The following AFAP1L2 variants were observed in gnomAD, a reference collection of about 807,000 sequenced individuals.
The protein encoded by AFAP1L2 is actin filament associated protein 1 like 2.
In AFAP1L2, 46 loss-of-function variants were observed where a neutral mutation model predicts 99.3. That is an observed-to-expected ratio of 0.46 (90% CI 0.37 to 0.59). AFAP1L2 has a LOEUF of 0.59. AFAP1L2 is among the 20% of genes least tolerant of loss of function. The probability of loss-of-function intolerance (pLI) is 0.00; values close to 1 mark genes in which losing one functional copy is unlikely to be tolerated. For synonymous variants in AFAP1L2, 397 were observed against 419.1 expected, an observed-to-expected ratio of 0.95 and a Z score of 0.64; for missense variants, 959 against 1,034.9, an observed-to-expected ratio of 0.93 and a Z score of 1.01.
intron 4 of AFAP1L2, among the ~76,000 whole-genome samples, chr10:114,327,649 T>C (rs576113603): frequency 1.3e-5 from 2 of 152,300 alleles, no homozygotes; most frequent in African/African-American, 4.8e-5. Context: ...ATCTCAGCTA[T>C]TCAACTCTAT....
At chr10:114,301,631 CTT>C (rs918288487) in intron 12 of AFAP1L2, 166 bp from the exon 13 acceptor site, 10 of 592,264 alleles carry the variant, frequency 1.7e-5, no homozygotes, top group African/African-American at 1.5e-4. Flanking sequence ...CCTCCTCCCT[CTT>C]TTCCCAGTGC....
chr10:114,369,775 AAATAT>A lies in AFAP1L2; in HGVS notation c.17-29049_17-29045del, dbSNP rs548813071. ...AAACTACTTAAAACAAGTACATTTA[AAATAT>A]AATATGTATACGTACTGCAATATGT... On this transcript the variant is annotated intron_variant, in intron 1 of 18. Coordinates refer to ENST00000304129, the MANE Select transcript of AFAP1L2 (RefSeq NM_001001936.3). 1.9e-3 allele frequency among the ~76,000 whole-genome samples: 283 copies of A among 152,234 alleles called. 2 individuals carry two copies. Among genetic ancestry groups the A allele is most frequent in the African/African-American group, 5.7e-3 (236 of 41,526 alleles).
chr10:114,402,458 C>CA (rs543211250), intron 1 of AFAP1L2, among the ~76,000 whole-genome samples: 1 of 152,148 alleles, frequency 6.6e-6, no homozygotes, highest in Non-Finnish European at 1.5e-5. Context: ...TCTCATGAGT[C>CA]AAACACTGGA....
intron 7 of AFAP1L2, among the ~76,000 whole-genome samples, chr10:114,312,421 G>A (rs969517145): frequency 6.6e-6 from 1 of 152,172 alleles, no homozygotes; most frequent in African/African-American, 2.4e-5. Flanking sequence ...TGTGTGTGTA[G>A]TGGGTGAGGC....
At chr10:114,370,123 A>C (rs995395680) in intron 1 of AFAP1L2, among the ~76,000 whole-genome samples, 1 of 152,206 alleles carries the variant, frequency 6.6e-6, no homozygotes, top group Non-Finnish European at 1.5e-5. Context: ...AAATACTCCA[A>C]ATACTGTTTA....
intron 18 of AFAP1L2, 130 bp downstream of exon 18, chr10:114,296,848 C>T: frequency 6.7e-7 from 1 of 1,501,204 alleles, no homozygotes; most frequent in South Asian, 1.2e-5. Flanking sequence ...ATGGCCACTC[C>T]TTGGTGAGTG....
At chr10:114,306,328 C>T (rs868385976) in intron 10 of AFAP1L2, among the ~76,000 whole-genome samples, 18 of 42,730 alleles carry the variant, frequency 4.2e-4, no homozygotes, top group African/African-American at 1.5e-3. Flanking sequence ...GGAGGGGACG[C>T]GGGGGCAGGA....
intron 5 of AFAP1L2, among the ~76,000 whole-genome samples, chr10:114,322,095 C>A (rs766615417): frequency 6.6e-6 from 1 of 152,194 alleles, no homozygotes; most frequent in Non-Finnish European, 1.5e-5. Flanking sequence ...TCCCTGTACA[C>A]GCTCTCTCTT....
At chr10:114,284,882 C>G in the AFAP1L2 span, 1 of 1,609,758 alleles carries the variant, frequency 6.2e-7, no homozygotes, top group East Asian at 2.2e-5. Flanking sequence ...ACTCGCAGCC[C>G]TGCCAGAATG....
At chr10:114,397,958 G>A (rs1425852610) in intron 1 of AFAP1L2, among the ~76,000 whole-genome samples, 1 of 152,084 alleles carries the variant, frequency 6.6e-6, no homozygotes, top group East Asian at 1.9e-4. Flanking sequence ...ACTGGCATGG[G>A]TGCCTCTCCC....
intron 1 of AFAP1L2, among the ~76,000 whole-genome samples, chr10:114,376,658 A>T (rs2054840783): frequency 6.6e-6 from 1 of 152,238 alleles, no homozygotes; most frequent in African/African-American, 2.4e-5. Flanking sequence ...CACAAGGAAG[A>T]GCATTTTGAA....
chr10:114,366,305 A>G (rs1206090213), intron 1 of AFAP1L2, among the ~76,000 whole-genome samples: 2 of 152,160 alleles, frequency 1.3e-5, no homozygotes, highest in African/African-American at 2.4e-5. Context: ...GATTCTGGGA[A>G]GAGGAATTCC....
intron 1 of AFAP1L2, among the ~76,000 whole-genome samples, chr10:114,360,454 CA>C (rs1394450307): frequency 1.4e-5 from 2 of 145,898 alleles, no homozygotes; most frequent in Non-Finnish European, 3.1e-5. Flanking sequence ...AATCTCTTCC[CA>C]AATAGATAGA....
chr10:114,301,930 G>A (rs375597308), intron 12 of AFAP1L2: 7 of 248,638 alleles, frequency 2.8e-5, no homozygotes, highest in African/African-American at 8.9e-5. Context: ...ACCAGAGAAC[G>A]CCCTCTCCCT....
chr10:114,332,613 C>A (rs1452209105), intron 3 of AFAP1L2, among the ~76,000 whole-genome samples: 2 of 152,226 alleles, frequency 1.3e-5, no homozygotes, highest in Non-Finnish European at 2.9e-5. Context: ...AGCTTCTTAG[C>A]CTGCGTCTTC....
the AFAP1L2 span, chr10:114,285,019 G>C: frequency 7.0e-7 from 1 of 1,438,378 alleles, no homozygotes; most frequent in Non-Finnish European, 9.3e-7. Context: ...AGCAAGAAGA[G>C]GACGGGCTCC....
intron 4 of AFAP1L2, among the ~76,000 whole-genome samples, chr10:114,324,989 G>A (rs902702171): frequency 2.0e-5 from 3 of 152,194 alleles, no homozygotes; most frequent in Admixed American, 6.5e-5. Context: ...GGCTGCAAGA[G>A]TATCCCTTCC....
chr10:114,319,596 C>T (rs1172040019), intron 5 of AFAP1L2: 9 of 1,289,714 alleles, frequency 7.0e-6, no homozygotes, highest in African/African-American at 1.5e-5. Flanking sequence ...CTCCTTCGGG[C>T]ACCTGCACCC....
At position 114,314,036 on chromosome 10, in the gene AFAP1L2, G is replaced by A. The variant is rs929962784; in HGVS notation, c.627C>T (p.Ser209=). Residue 209 remains serine (S), a synonymous_variant, in exon 7 of 19, where the codon TCC becomes TCT. Transcript: ENST00000304129. The stretch of plus-strand genomic sequence containing the variant: ...CGTCCAGCTGAGGGCTGTGGTCCTT[G>A]GAGGATTTGTAGCACTGGAAGGAAA... The part of the protein sequence containing the change: ...KDNRLLCYKS[S]KDHSPQLDVN... 9.9e-6 allele frequency: 16 copies of A among 1,611,104 alleles called. No homozygotes were observed. The African/African-American group carries it at 2.0e-4, about 20-fold the overall frequency.
Sources: allele counts gnomAD v4.1 joint callset (sites outside exome capture counted in the v4.1 genomes callset), GRCh38; gene constraint gnomAD v4.1.1; transcripts MANE v1.5; gene names NCBI Gene and HGNC (gene_info 2026-07-23, HGNC 2026-07-21).